Variants in ASTN2 observed in about 807,000 individuals in gnomAD.
ASTN2 encodes astrotactin-2.
ASTN2 carries 54 observed loss-of-function variants against 139.8 expected under a neutral mutation model. The ratio of observed to expected loss-of-function variants is 0.39; its 90% CI spans 0.31 to 0.48. The LOEUF (loss-of-function observed/expected upper bound fraction) is 0.48, where lower values mean the gene tolerates loss of function less well. Among genes scored for constraint, ASTN2 ranks in the 20% least tolerant of loss-of-function variants. The pLI, the probability that ASTN2 is intolerant of heterozygous loss-of-function variation, is 0.95. For synonymous variants in ASTN2, 756 were observed against 719.5 expected (o/e 1.05, Z -0.81); for missense variants, 1,565 against 1,725.1 (o/e 0.91, Z 1.64).
chr9:116,447,021 T>G (rs772195989), intron 20 of ASTN2, among the ~76,000 whole-genome samples: 1 of 152,198 alleles, frequency 6.6e-6, no homozygotes, highest in African/African-American at 2.4e-5. Flanking sequence ...AACCCCCTCA[T>G]TTGAGCTCTG....
chr9:116,711,368 A>C (rs1828153480), intron 16 of ASTN2, among the ~76,000 whole-genome samples: 1 of 152,268 alleles, frequency 6.6e-6, no homozygotes, highest in Non-Finnish European at 1.5e-5. Flanking sequence ...ATAAAATGTC[A>C]GAAATAATAC....
intron 6 of ASTN2, among the ~76,000 whole-genome samples, chr9:117,009,806 G>T (rs1837463322): frequency 6.6e-6 from 1 of 152,186 alleles, no homozygotes; most frequent in Non-Finnish European, 1.5e-5. Context: ...TTACTCTGCT[G>T]GCTGACCTAT....
chr9:116,980,768 G>A (rs887059371), intron 7 of ASTN2, among the ~76,000 whole-genome samples: 5 of 152,094 alleles, frequency 3.3e-5, no homozygotes, highest in Admixed American at 2.0e-4. Flanking sequence ...TATTTTGCTG[G>A]CTCAGCTAAA....
intron 8 of ASTN2, among the ~76,000 whole-genome samples, chr9:116,976,421 T>A (rs886075087): frequency 1.3e-5 from 2 of 152,272 alleles, no homozygotes; most frequent in Non-Finnish European, 2.9e-5. Flanking sequence ...TTCTTTTCTT[T>A]GGCAGTCCAC....
At chr9:117,151,956 G>C (rs973980804) in intron 3 of ASTN2, among the ~76,000 whole-genome samples, 3 of 152,164 alleles carry the variant, frequency 2.0e-5, no homozygotes, top group Admixed American at 6.5e-5. Context: ...CCTGGGTGCA[G>C]CGAGAGCAGA....
At chr9:117,251,946 T>A (rs918456017) in intron 2 of ASTN2, among the ~76,000 whole-genome samples, 1 of 152,098 alleles carries the variant, frequency 6.6e-6, no homozygotes, top group African/African-American at 2.4e-5. Context: ...GAAAAACACA[T>A]CTCCAAGGAG....
chr9:117,217,083 G>C (rs545239049), intron 2 of ASTN2, among the ~76,000 whole-genome samples: 82 of 152,264 alleles, frequency 5.4e-4, no homozygotes, highest in African/African-American at 1.8e-3. Flanking sequence ...ACAGCCCTTG[G>C]TTACTGAACG....
intron 13 of ASTN2, among the ~76,000 whole-genome samples, chr9:116,753,994 C>G (rs1252832440): frequency 6.7e-6 from 1 of 149,558 alleles, no homozygotes; most frequent in Non-Finnish European, 1.5e-5. Context: ...GCTGCCCCCA[C>G]CCCCGCCCCT....
intron 1 of ASTN2, among the ~76,000 whole-genome samples, chr9:117,368,276 T>C (rs1829899987): frequency 6.7e-6 from 1 of 149,456 alleles, no homozygotes; most frequent in African/African-American, 2.5e-5. Context: ...TGCATGCACA[T>C]GCGCACACAT....
At chr9:117,257,556 C>T (rs557465228) in intron 2 of ASTN2, among the ~76,000 whole-genome samples, 36 of 152,274 alleles carry the variant, frequency 2.4e-4, no homozygotes, top group African/African-American at 8.2e-4. Context: ...TTGAAGGTGA[C>T]CTCTAGGTTT....
intron 10 of ASTN2, among the ~76,000 whole-genome samples, chr9:116,972,014 A>G (rs973052506): frequency 1.3e-5 from 2 of 152,172 alleles, no homozygotes; most frequent in Admixed American, 6.5e-5. Context: ...ATACATAGAG[A>G]AAAGTGTGAA....
intron 4 of ASTN2, among the ~76,000 whole-genome samples, chr9:117,097,637 A>C (rs1001921909): frequency 7.2e-5 from 11 of 152,168 alleles, no homozygotes; most frequent in African/African-American, 2.7e-4. Context: ...GAACAGAGGG[A>C]GGCTACTTTT....
chr9:117,160,844 A>G (rs1372791787), intron 3 of ASTN2, among the ~76,000 whole-genome samples: 2 of 152,060 alleles, frequency 1.3e-5, no homozygotes, highest in African/African-American at 4.8e-5. Context: ...AAGAAAGGAC[A>G]AGGTTTTGTG....
chr9:116,877,394 T>C (rs914899491), intron 10 of ASTN2, among the ~76,000 whole-genome samples: 2 of 152,220 alleles, frequency 1.3e-5, no homozygotes, highest in African/African-American at 4.8e-5. Context: ...ACTGCCTTAA[T>C]ATCAATATGT....
intron 22 of ASTN2, among the ~76,000 whole-genome samples, chr9:116,439,423 A>C (rs1847772999): frequency 7.2e-6 from 1 of 139,306 alleles, no homozygotes; most frequent in African/African-American, 3.0e-5. Context: ...GATGGTCTCG[A>C]TCTCCTGACC....
At chr9:117,410,518 T>C (rs1831130794) in intron 1 of ASTN2, among the ~76,000 whole-genome samples, 1 of 152,154 alleles carries the variant, frequency 6.6e-6, no homozygotes, top group African/African-American at 2.4e-5. Flanking sequence ...ATTTTAGAGC[T>C]CATCTACCCA....
At chr9:116,777,344 A>C (rs967010111) in intron 13 of ASTN2, among the ~76,000 whole-genome samples, 1 of 152,112 alleles carries the variant, frequency 6.6e-6, no homozygotes, top group African/African-American at 2.4e-5. Flanking sequence ...AGGTGTCATC[A>C]TCTCACCCTC....
At position 117,414,138 on chromosome 9, in the gene ASTN2, G is replaced by A. The variant is rs1164784279; in HGVS notation, c.442+359C>T. Among the ~76,000 whole-genome samples the A allele has an allele frequency of 6.6e-6, 1 of 152,146 alleles. No individual in the cohort carries two copies. Among genetic ancestry groups the A allele is most frequent in the Non-Finnish European group, 1.5e-5 (1 of 68,024 alleles). ...CCCGGAGAAGTGGGAGGCTCGACCT[G>A]AAACTGGCTTAGGATCTGGGATGCT... On this transcript the variant is annotated intron_variant, in intron 1 of 22. Coordinates refer to ENST00000313400, the MANE Select transcript of ASTN2 (RefSeq NM_001365068.1). This position sits in a 1 kb window ranked among gnomAD's most constrained non-coding sequence, Gnocchi z 4.2.
chr9:116,700,501 G>T (rs921165936), intron 16 of ASTN2: 3 of 167,138 alleles, frequency 1.8e-5, no homozygotes, highest in Admixed American at 6.5e-5. Flanking sequence ...CAGCAAATTT[G>T]GATAGTCTCT....
Sources: gnomAD v4.1 joint callset for allele counts (sites outside exome capture counted in the v4.1 genomes callset) on GRCh38, gnomAD v4.1.1 for gene constraint, Gnocchi (gnomAD v3.1) non-coding constraint, MANE v1.5 for transcripts, NCBI Gene and HGNC (gene_info 2026-07-23, HGNC 2026-07-21) for gene names.